AATF: variants seen among roughly 807,000 people sequenced by gnomAD.
AATF encodes apoptosis antagonizing transcription factor, also known as protein AATF.
A neutral mutation model predicts 63.7 loss-of-function variants in AATF; 48 were observed. The observed-to-expected ratio is 0.75, with a 90% CI of 0.60 to 0.96. AATF has a LOEUF of 0.96. AATF is among the 40% of genes least tolerant of loss of function. AATF has a pLI of 0.00. For missense variants in AATF, 639 were observed against 685.7 expected, an observed-to-expected ratio of 0.93 and a Z score of 0.76; for synonymous variants, 258 against 247.7, an observed-to-expected ratio of 1.04 and a Z score of -0.39.
At chr17:37,034,680 A>G (rs2142304865) in intron 11 of AATF, 1 of 152,350 alleles carries the variant, frequency 6.6e-6, no homozygotes, top group East Asian at 1.9e-4. Flanking sequence ...TGAAAAAGAC[A>G]TCAAAAACAA....
chr17:36,964,483 G>A (rs1159696660), intron 4 of AATF, among the ~76,000 whole-genome samples: 2 of 152,094 alleles, frequency 1.3e-5, no homozygotes, highest in Non-Finnish European at 2.9e-5. Context: ...CTCCAGCCTG[G>A]GTGAAAGAGC....
rs143074988 is a variant in AATF, at chr17:37,010,319, G to A, written c.1399-8686G>A. ...AATACAAAAACAAAATTAGCCGGGC[G>A]TGGTGGTGGGTGCCTGTAGTCCCAG... On this transcript the variant is annotated intron_variant, in intron 8 of 11. Transcript: ENST00000619387. 8.7e-3 allele frequency among the ~76,000 whole-genome samples: 1,321 copies of A among 152,256 alleles called. 17 individuals carry two copies. The highest frequency in any genetic ancestry group is 0.015 in the Admixed American group (225 of 15,296).
intron 10 of AATF, among the ~76,000 whole-genome samples, chr17:37,028,447 TCAC>T (rs2071526994): frequency 6.6e-6 from 1 of 151,226 alleles, no homozygotes. Context: ...AAACAAAACA[TCAC>T]CAACAAAAAA....
chr17:36,976,794 A>T (rs1157517563), intron 4 of AATF, among the ~76,000 whole-genome samples: 1 of 152,198 alleles, frequency 6.6e-6, no homozygotes, highest in East Asian at 1.9e-4. Context: ...TACTAGTATT[A>T]AAAGAAACAC....
chr17:37,003,471 C>CTTTTTT (rs1163393533), intron 8 of AATF, among the ~76,000 whole-genome samples: 9 of 96,632 alleles, frequency 9.3e-5, no homozygotes, highest in Non-Finnish European at 1.2e-4. Flanking sequence ...TTGACAAGAA[C>CTTTTTT]TTTTTTTTTT....
chr17:36,950,539 GC>G, intron 2 of AATF, 134 bp downstream of exon 2: 1 of 936,452 alleles, frequency 1.1e-6, no homozygotes. Context: ...GGCTCTTGTT[GC>G]CCAGGCTGGA....
chr17:36,958,252 T>C (rs1308387175), intron 4 of AATF, among the ~76,000 whole-genome samples: 2 of 152,082 alleles, frequency 1.3e-5, no homozygotes, highest in Non-Finnish European at 2.9e-5. Flanking sequence ...AACTTCTGCC[T>C]CCCAGGTTCA....
At chr17:37,050,624 G>T (rs2071740053) in intron 11 of AATF, among the ~76,000 whole-genome samples, 1 of 152,214 alleles carries the variant, frequency 6.6e-6, no homozygotes, top group Non-Finnish European at 1.5e-5. Context: ...GACTCTACTT[G>T]TAGGGTTTCA....
intron 4 of AATF, among the ~76,000 whole-genome samples, chr17:36,965,110 A>G (rs2070980942): frequency 6.6e-6 from 1 of 152,162 alleles, no homozygotes; most frequent in Non-Finnish European, 1.5e-5. Flanking sequence ...TCAGAATTAG[A>G]AAGTATTGCC....
chr17:37,011,479 G>A (rs79895672), intron 8 of AATF, among the ~76,000 whole-genome samples: 18,349 of 152,200 alleles, frequency 0.12, 1,335 homozygotes, highest in Non-Finnish European at 0.16. Flanking sequence ...TATAAGACTT[G>A]AGATAGTTGA....
At chr17:37,021,230 G>A in intron 10 of AATF, 5 of 436,646 alleles carry the variant, frequency 1.1e-5, no homozygotes, top group South Asian at 1.1e-4. Flanking sequence ...TGTAATAGAT[G>A]GGTGAAATAA....
chr17:37,030,348 A>G (rs972522478), intron 10 of AATF, among the ~76,000 whole-genome samples: 1 of 152,206 alleles, frequency 6.6e-6, no homozygotes, highest in African/African-American at 2.4e-5. Context: ...ATGTGTAAAA[A>G]TGTTCCTAAA....
chr17:37,032,367 C>G (rs887960147), intron 11 of AATF, among the ~76,000 whole-genome samples: 3 of 152,096 alleles, frequency 2.0e-5, no homozygotes, highest in Non-Finnish European at 4.4e-5. Context: ...GTGGAAGTGC[C>G]GTCAAACTGG....
intron 8 of AATF, among the ~76,000 whole-genome samples, chr17:36,993,855 C>G (rs1303691316): frequency 6.6e-6 from 1 of 152,104 alleles, no homozygotes; most frequent in Non-Finnish European, 1.5e-5. Context: ...TGTGAATGCC[C>G]TAACTACTGA....
chr17:37,043,381 G>A (rs746059168), intron 11 of AATF: 1 of 152,158 alleles, frequency 6.6e-6, no homozygotes, highest in African/African-American at 2.4e-5. Flanking sequence ...GTTGTTTCCT[G>A]TTGAAATATT....
At position 37,056,760 on chromosome 17, in the gene AATF, G is replaced by C; in HGVS notation, c.*96G>C. 2.3e-6 allele frequency: 3 copies of C among 1,314,362 alleles called. No individual in the cohort carries two copies. The highest frequency in any genetic ancestry group is 3.2e-6 in the Non-Finnish European group (3 of 929,308). The allele number at this position is 1,314,362 out of a possible 1,614,324, so 81.4% of individuals were successfully genotyped here. ...TGACTTTATGGGGCTGAGCTAGTAG[G>C]GAAGCCCCTGGAAAGATGCTGCGTT... is the stretch of plus-strand genomic sequence containing the variant. On this transcript the variant is annotated 3_prime_UTR_variant, in exon 12 of 12. Transcript: ENST00000619387.
chr17:37,056,500 A>G (rs1032097617), intron 11 of AATF, 101 bp from the exon 12 acceptor site: 22 of 1,227,564 alleles, frequency 1.8e-5, no homozygotes, highest in Non-Finnish European at 2.0e-5. Context: ...CTGTGTTTTC[A>G]ACAGAAGAAA....
At chr17:37,031,013 C>G (rs1487639290) in intron 10 of AATF, among the ~76,000 whole-genome samples, 2 of 152,124 alleles carry the variant, frequency 1.3e-5, no homozygotes, top group African/African-American at 4.8e-5. Context: ...TGGGGCTGTA[C>G]TATAAATGAA....
rs1175963241 is a variant in AATF, at chr17:36,948,976, C to G, written c.-150C>G. ...CGCGCGCCTCCCGGAAGTGGCCGGT[C>G]CAGAGCTGTGGGGTGGCCTCCGCGC... On this transcript the variant is annotated 5_prime_UTR_variant, in exon 1 of 12. Coordinates refer to ENST00000619387, the MANE Select transcript of AATF (RefSeq NM_012138.4). 4 of 707,884 alleles carry G rather than the reference C, an allele frequency of 5.7e-6. No homozygotes were observed. Among genetic ancestry groups the G allele is most frequent in the South Asian group, 1.8e-5 (1 of 55,630 alleles). The allele number at this position is 707,884 out of a possible 1,614,324, so 43.9% of individuals were successfully genotyped here.
Sources: gnomAD v4.1 joint callset for allele counts (sites outside exome capture counted in the v4.1 genomes callset) on GRCh38, gnomAD v4.1.1 for gene constraint, MANE v1.5 for transcripts, NCBI Gene and HGNC (gene_info 2026-07-23, HGNC 2026-07-21) for gene names.